The following SEL1L variants were observed in gnomAD, a reference collection of about 807,000 sequenced individuals.
The protein encoded by SEL1L is protein sel-1 homolog 1.
A neutral mutation model predicts 109.8 loss-of-function variants in SEL1L; 52 were observed. The observed-to-expected ratio is 0.47, with a 90% confidence interval of 0.38 to 0.60. The LOEUF is 0.60. Among genes scored for constraint, SEL1L ranks in the 20% least tolerant of loss-of-function variants. The pLI is 0.00. For missense variants in SEL1L, 749 were observed against 962.2 expected (o/e 0.78, Z 2.93); for synonymous variants, 373 against 339.6 (o/e 1.10, Z -1.08).
In SEL1L at chr14:81,518,185, G is replaced by A. The variant is rs117020462; in HGVS notation, c.340+8548C>T. 2.2e-3 allele frequency among the ~76,000 whole-genome samples: 332 copies of A among 151,658 alleles called. 2 individuals carry two copies. In the Middle Eastern group the frequency reaches 0.037, roughly 17 times the overall value. On this transcript the variant is annotated intron_variant, in intron 3 of 20. Transcript: ENST00000336735. ...TGGGATTACAGGCATGAGCCACTGC[G>A]CCCGGCTTGGGACGGAACTTCTTGT...
At chr14:81,484,070 G>A (rs1307649255) in intron 19 of SEL1L, among the ~76,000 whole-genome samples, 155 bp downstream of exon 19, 1 of 152,186 alleles carries the variant, frequency 6.6e-6, no homozygotes, top group South Asian at 2.1e-4. Context: ...GATGAGAGAT[G>A]GAAGGGCAGT....
chr14:81,517,919 C>A (rs970320248), intron 3 of SEL1L, among the ~76,000 whole-genome samples: 1 of 151,086 alleles, frequency 6.6e-6, no homozygotes, highest in Admixed American at 6.6e-5. Flanking sequence ...TGTGTACCCT[C>A]TGGGACTGAA....
intron 3 of SEL1L, among the ~76,000 whole-genome samples, chr14:81,510,426 A>T (rs939051453): frequency 1.3e-5 from 2 of 151,708 alleles, no homozygotes; most frequent in Non-Finnish European, 2.9e-5. Context: ...TTGAACATTG[A>T]AGGAAAGAAT....
chr14:81,512,125 T>C (rs1229345139), intron 3 of SEL1L, among the ~76,000 whole-genome samples: 1 of 152,174 alleles, frequency 6.6e-6, no homozygotes, highest in Non-Finnish European at 1.5e-5. Context: ...TTCTGGAAGT[T>C]TCTATGAAGG....
intron 3 of SEL1L, among the ~76,000 whole-genome samples, chr14:81,507,121 G>T (rs1003857695): frequency 6.6e-6 from 1 of 152,190 alleles, no homozygotes; most frequent in Admixed American, 6.5e-5. Flanking sequence ...GACAACAGAA[G>T]AGGCTAAAGC....
chr14:81,479,574 C>T, intron 20 of SEL1L, 38 bp downstream of exon 20: 1 of 1,578,570 alleles, frequency 6.3e-7, no homozygotes, highest in Admixed American at 1.9e-5. Flanking sequence ...GACCTTCCAT[C>T]ATTTATATTT....
chr14:81,490,848 C>T (rs946775314), intron 12 of SEL1L, among the ~76,000 whole-genome samples: 4 of 152,204 alleles, frequency 2.6e-5, no homozygotes, highest in Middle Eastern at 3.2e-3. Flanking sequence ...CTGCAGTGAA[C>T]TGACAGCTTG....
chr14:81,512,259 G>A (rs992763880), intron 3 of SEL1L, among the ~76,000 whole-genome samples: 3 of 152,214 alleles, frequency 2.0e-5, no homozygotes, highest in African/African-American at 7.2e-5. Flanking sequence ...AACCCTATGA[G>A]GAAGAAATTC....
At chr14:81,504,902 T>C (rs146352180) in intron 4 of SEL1L, among the ~76,000 whole-genome samples, 1 of 152,246 alleles carries the variant, frequency 6.6e-6, no homozygotes, top group Non-Finnish European at 1.5e-5. Flanking sequence ...TCTCATATGG[T>C]AAGTTTCCTG....
intron 3 of SEL1L, among the ~76,000 whole-genome samples, chr14:81,524,804 G>A (rs912353133): frequency 6.6e-6 from 1 of 152,118 alleles, no homozygotes; most frequent in African/African-American, 2.4e-5. Flanking sequence ...AACCCGGGAG[G>A]TGGAGGCTGC....
At chr14:81,522,168 TAA>T (rs1031200025) in intron 3 of SEL1L, among the ~76,000 whole-genome samples, 1 of 152,126 alleles carries the variant, frequency 6.6e-6, no homozygotes, top group Non-Finnish European at 1.5e-5. Flanking sequence ...GTTTATAAAC[TAA>T]AAAAGTTACC....
chr14:81,527,006 C>CT, intron 2 of SEL1L, 42 bp from the exon 3 acceptor site: 1 of 1,418,082 alleles, frequency 7.1e-7, no homozygotes, highest in Non-Finnish European at 9.9e-7. Context: ...AATGCCAAGA[C>CT]TTTCCCCAAC....
rs67777470 is a variant in SEL1L at position 81,527,438 on chromosome 14, TACACACAC to T, written c.108+255_108+262del. Among the ~76,000 whole-genome samples, 168 of 146,456 alleles carry T rather than the reference TACACACAC, an allele frequency of 1.1e-3. No homozygotes were observed. In the Middle Eastern group the frequency reaches 0.014, roughly 12 times the overall value. The stretch of plus-strand genomic sequence containing the variant: ...ATGACACAGGTTAAATCTTCAAACT[TACACACAC>T]ACACACACACACACACACACACACA... On this transcript the variant is annotated intron_variant, in intron 2 of 20. Coordinates refer to ENST00000336735, the MANE Select transcript of SEL1L (RefSeq NM_005065.6).
intron 3 of SEL1L, among the ~76,000 whole-genome samples, chr14:81,516,389 G>A (rs1884702628): frequency 6.6e-6 from 1 of 152,176 alleles, no homozygotes; most frequent in Non-Finnish European, 1.5e-5. Flanking sequence ...AGTTGTAATT[G>A]GGAGACTTTG....
In SEL1L at chr14:81,502,822, ACACTCTCTC is replaced by A; in HGVS notation, c.667_675del (p.Glu223_Val225del). The A allele has an allele frequency of 6.2e-7, 1 of 1,614,066 alleles. No individual in the cohort carries two copies. Among genetic ancestry groups the A allele is most frequent in the Non-Finnish European group, 8.5e-7 (1 of 1,179,962 alleles). ...TAATCACCAAATAAAAGAGCATATG[ACACTCTCTC>A]CAGGGCTTTGGTATGGTTCATGCTT... On this transcript the variant is annotated inframe_deletion, in exon 6 of 21. Transcript: ENST00000336735.
At chr14:81,480,432 G>A (rs372926856) in intron 19 of SEL1L, among the ~76,000 whole-genome samples, 130 of 152,176 alleles carry the variant, frequency 8.5e-4, no homozygotes, top group African/African-American at 3.1e-3. Context: ...CTCGTAATCC[G>A]CCCGCCTCAG....
chr14:81,533,634 C>CGG, intron 1 of SEL1L, 41 bp downstream of exon 1: 1 of 1,593,458 alleles, frequency 6.3e-7, no homozygotes, highest in Non-Finnish European at 8.6e-7. Flanking sequence ...GGCTGGGGGG[C>CGG]GGAGGCTCTG....
chr14:81,500,830 C>T (rs1883974108), intron 6 of SEL1L, among the ~76,000 whole-genome samples: 1 of 152,128 alleles, frequency 6.6e-6, no homozygotes, highest in Admixed American at 6.5e-5. Flanking sequence ...TTAGAGCACA[C>T]ATGATTTTCT....
chr14:81,477,178 G>T lies in SEL1L; in HGVS notation c.2179C>A (p.Arg727=), dbSNP rs775025839. 5.0e-6 allele frequency: 8 copies of T among 1,611,912 alleles called. No homozygotes were observed. The South Asian group carries it at 7.7e-5, about 15-fold the overall frequency. The part of the protein sequence containing the change: ...FLQYIRETNI[R]DMFTQLDMDQ... ...ATATCAAGTTGGGTGAACATATCTCGAATCTTAATGAAAATAATATAGAAA... is the reference window on the plus strand; with the variant it reads ...ATATCAAGTTGGGTGAACATATCTCTAATCTTAATGAAAATAATATAGAAA... Residue 727 remains arginine, a synonymous_variant, in exon 21 of 21, where the codon CGA becomes AGA. Coordinates refer to ENST00000336735, the MANE Select transcript of SEL1L (RefSeq NM_005065.6).
Sources: allele counts gnomAD v4.1 joint callset (sites outside exome capture counted in the v4.1 genomes callset), GRCh38; gene constraint gnomAD v4.1.1; transcripts MANE v1.5; gene names NCBI Gene and HGNC (gene_info 2026-07-23, HGNC 2026-07-21).